The following SIPA1L1 variants were observed in gnomAD, a reference collection of about 807,000 sequenced individuals.
The protein encoded by SIPA1L1 is signal induced proliferation associated 1 like 1.
A neutral mutation model predicts 162.7 loss-of-function variants in SIPA1L1; 26 were observed. The ratio of observed to expected loss-of-function variants is 0.16; its 90% CI spans 0.12 to 0.22. The LOEUF is 0.22. Ranked by LOEUF, SIPA1L1 falls within the 10% of genes least tolerant of loss-of-function variation. SIPA1L1 has a pLI of 1.00. For synonymous variants in SIPA1L1, 829 were observed against 837.4 expected, an observed-to-expected ratio of 0.99 and a Z score of 0.17; for missense variants, 1,874 against 2,241.0, an observed-to-expected ratio of 0.84 and a Z score of 3.31.
In SIPA1L1 at chr14:71,596,092, G is replaced by A. The variant is rs553458555; in HGVS notation, c.1498+6722G>A. Among the ~76,000 whole-genome samples, 3 of 152,304 alleles carry A rather than the reference G, an allele frequency of 2.0e-5. No homozygotes were observed. In the South Asian group the frequency reaches 6.2e-4, roughly 32 times the overall value. ...CAAGTGGTTAGGGGCTTGGATGAGA[G>A]TAACTTAGGTCTGTGAAAGATAATT... On this transcript the variant is annotated intron_variant, in intron 5 of 23. Coordinates refer to ENST00000381232, the MANE Select transcript of SIPA1L1 (RefSeq NM_001386936.1).
intron 2 of SIPA1L1, among the ~76,000 whole-genome samples, chr14:71,395,930 C>G (rs1248647155): frequency 5.3e-5 from 8 of 152,120 alleles, no homozygotes; most frequent in Non-Finnish European, 1.5e-5. Flanking sequence ...GTAACTTGCC[C>G]AGGGACAAAG....
intron 2 of SIPA1L1, among the ~76,000 whole-genome samples, chr14:71,492,610 T>C (rs543103237): frequency 6.6e-6 from 1 of 152,194 alleles, no homozygotes; most frequent in South Asian, 2.1e-4. Context: ...GCGGTAGCTC[T>C]TTAGTGGTCA....
chr14:71,506,082 T>TA (rs1185588321), intron 2 of SIPA1L1, among the ~76,000 whole-genome samples: 1 of 152,034 alleles, frequency 6.6e-6, no homozygotes, highest in Non-Finnish European at 1.5e-5. Context: ...TGGTATCAGT[T>TA]ATTTTTCCAG....
chr14:71,645,479 A>G lies in SIPA1L1; in HGVS notation c.1819-4856A>G, dbSNP rs778165934. Among the ~76,000 whole-genome samples the G allele has an allele frequency of 2.4e-4, 36 of 152,254 alleles. 1 individual carries two copies. The highest frequency in any genetic ancestry group is 1.2e-4 in the Non-Finnish European group (8 of 68,050). On this transcript the variant is annotated intron_variant, in intron 7 of 23. Coordinates refer to ENST00000381232, the MANE Select transcript of SIPA1L1 (RefSeq NM_001386936.1). Reference sequence around the variant, plus strand: ...TTGAACAAGTGCTTTTCCTTGAGAAAGCTATCATAAAGCACTTTAGTAGGC... The same window carrying G: ...TTGAACAAGTGCTTTTCCTTGAGAAGGCTATCATAAAGCACTTTAGTAGGC...
chr14:71,483,989 G>A (rs1036475100), intron 2 of SIPA1L1, among the ~76,000 whole-genome samples: 1 of 152,170 alleles, frequency 6.6e-6, no homozygotes, highest in African/African-American at 2.4e-5. Context: ...ATGTCTGTAC[G>A]ATGTTTGTCT....
chr14:71,633,674 C>T (rs2040828885), intron 7 of SIPA1L1, among the ~76,000 whole-genome samples: 2 of 152,246 alleles, frequency 1.3e-5, no homozygotes, highest in South Asian at 4.1e-4. Context: ...ATGTAAGGTA[C>T]TTCAATGGGC....
chr14:71,337,850 A>T (rs950410515), intron 2 of SIPA1L1, among the ~76,000 whole-genome samples: 8 of 152,142 alleles, frequency 5.3e-5, no homozygotes, highest in Non-Finnish European at 8.8e-5. Flanking sequence ...GGAGGCTGAG[A>T]TGGGAGGATC....
chr14:71,388,681 A>G (rs1020085256), intron 2 of SIPA1L1, among the ~76,000 whole-genome samples: 1 of 152,238 alleles, frequency 6.6e-6, no homozygotes, highest in Non-Finnish European at 1.5e-5. Context: ...AGAAGCTTAA[A>G]TACACGATTG....
intron 10 of SIPA1L1, among the ~76,000 whole-genome samples, chr14:71,669,871 T>C (rs976002912): frequency 2.6e-5 from 4 of 152,234 alleles, no homozygotes; most frequent in Non-Finnish European, 5.9e-5. Context: ...CTGAGGTTGC[T>C]GATTTTTATT....
intron 4 of SIPA1L1, among the ~76,000 whole-genome samples, chr14:71,555,829 G>A (rs954527953): frequency 6.6e-6 from 1 of 152,136 alleles, no homozygotes. Flanking sequence ...GGTGGGTGGA[G>A]CAGTCAGAAC....
At chr14:71,724,582 A>G in intron 18 of SIPA1L1, 88 bp from the exon 19 acceptor site, 2 of 1,011,924 alleles carry the variant, frequency 2.0e-6, no homozygotes, top group Non-Finnish European at 2.9e-6. Flanking sequence ...CTATTGACTT[A>G]TATTGACTTA....
chr14:71,435,213 A>C (rs1003622336), intron 2 of SIPA1L1, among the ~76,000 whole-genome samples: 8 of 151,940 alleles, frequency 5.3e-5, no homozygotes, highest in African/African-American at 1.7e-4. Flanking sequence ...TCTAGGGTAC[A>C]TGTGCACAAC....
At chr14:71,668,709 A>G (rs2044246657) in intron 10 of SIPA1L1, among the ~76,000 whole-genome samples, 1 of 152,198 alleles carries the variant, frequency 6.6e-6, no homozygotes, top group East Asian at 1.9e-4. Context: ...TGTCATCTAG[A>G]TAACCCTGCT....
At chr14:71,725,666 G>T (rs145492466) in intron 19 of SIPA1L1, among the ~76,000 whole-genome samples, 1 of 152,078 alleles carries the variant, frequency 6.6e-6, no homozygotes, top group Non-Finnish European at 1.5e-5. Flanking sequence ...GGAGTCTCAC[G>T]CCCCCGGGGA....
At chr14:71,648,327 T>G (rs571468476) in intron 7 of SIPA1L1, among the ~76,000 whole-genome samples, 7 of 152,302 alleles carry the variant, frequency 4.6e-5, no homozygotes, top group Admixed American at 3.9e-4. Context: ...GGAACCCTCC[T>G]GTCTATGCAC....
At chr14:71,598,853 G>A (rs998901888) in intron 5 of SIPA1L1, among the ~76,000 whole-genome samples, 7 of 152,082 alleles carry the variant, frequency 4.6e-5, no homozygotes, top group African/African-American at 9.7e-5. Context: ...TCAGTAGATC[G>A]TTGCTAATAA....
intron 5 of SIPA1L1, among the ~76,000 whole-genome samples, chr14:71,607,154 C>CTCCGAGT (rs1461230376): frequency 6.6e-6 from 1 of 151,772 alleles, no homozygotes; most frequent in Non-Finnish European, 1.5e-5. Context: ...AACAAAGCTT[C>CTCCGAGT]TCCGAGTTCC....
chr14:71,610,831 C>T (rs780828347), intron 5 of SIPA1L1, among the ~76,000 whole-genome samples: 4 of 152,040 alleles, frequency 2.6e-5, no homozygotes, highest in African/African-American at 7.2e-5. Context: ...TGTTTTAAAC[C>T]CCCAAATTCC....
chr14:71,330,513 A>G, intron 2 of SIPA1L1: 4 of 1,592,870 alleles, frequency 2.5e-6, no homozygotes, highest in Non-Finnish European at 3.4e-6. Flanking sequence ...CTCTATGTGC[A>G]TCAGAGTCAG....
Sources: gnomAD v4.1 joint callset for allele counts (sites outside exome capture counted in the v4.1 genomes callset) on GRCh38, gnomAD v4.1.1 for gene constraint, MANE v1.5 for transcripts, NCBI Gene and HGNC (gene_info 2026-07-23, HGNC 2026-07-21) for gene names.